Variants in KCNH8 observed in about 807,000 individuals in gnomAD.
KCNH8 encodes the protein potassium voltage-gated channel subfamily H member 8.
Under a neutral mutation model 103.6 loss-of-function variants are expected in KCNH8, and 70 were observed. The ratio of observed to expected loss-of-function variants is 0.68; its 90% CI spans 0.56 to 0.82. The LOEUF (loss-of-function observed/expected upper bound fraction) is 0.82, where lower values mean the gene tolerates loss of function less well. Ranked by LOEUF, KCNH8 falls within the 40% of genes least tolerant of loss-of-function variation. The pLI, the probability that KCNH8 is intolerant of heterozygous loss-of-function variation, is 0.00. For synonymous variants in KCNH8, 498 were observed against 489.4 expected, an observed-to-expected ratio of 1.02 and a Z score of -0.23; for missense variants, 1,217 against 1,329.9, an observed-to-expected ratio of 0.92 and a Z score of 1.32.
At position 19,533,455 on chromosome 3, in the gene KCNH8, C is replaced by CA; in HGVS notation, c.2680_2681insA (p.Leu894HisfsTer58). 6.2e-7 allele frequency: 1 copy of CA among 1,614,142 alleles called. No individual in the cohort carries two copies. The highest frequency in any genetic ancestry group is 8.5e-7 in the Non-Finnish European group (1 of 1,180,022). On this transcript the variant is annotated frameshift_variant, in exon 16 of 16. Coordinates refer to ENST00000328405, the MANE Select transcript of KCNH8 (RefSeq NM_144633.3). LOFTEE classifies it high-confidence loss of function. Reference sequence around the variant, plus strand: ...TAAAGACATGAGAAATGTGATCCAGCTTCTGGAAAACGTTCTGTCACCTCA... The same window carrying CA: ...TAAAGACATGAGAAATGTGATCCAGCATTCTGGAAAACGTTCTGTCACCTCA...
Position 19,281,217 on chromosome 3 carries a change from A to G in KCNH8, c.330A>G (p.Leu110=). The change falls in exon 3 of 16, where the codon CTA becomes CTG. Residue 110 remains leucine, a synonymous_variant. Coordinates refer to ENST00000328405, the MANE Select transcript of KCNH8 (RefSeq NM_144633.3). The stretch of plus-strand genomic sequence containing the variant: ...TTGCAGGGTCTCCATTTTGGTGCCT[A>G]CTGGATATTGTTCCCATAAAGAATG... ...YKKNGSPFWC[L]LDIVPIKNEK... The G allele has an allele frequency of 1.2e-6, 2 of 1,610,948 alleles. No homozygotes were observed. Among genetic ancestry groups the G allele is most frequent in the African/African-American group, 1.3e-5 (1 of 74,828 alleles).
intron 2 of KCNH8, among the ~76,000 whole-genome samples, chr3:19,258,025 AT>A (rs1206018068): frequency 6.6e-6 from 1 of 151,826 alleles, no homozygotes; most frequent in African/African-American, 2.4e-5. Flanking sequence ...CTGTGTCCAA[AT>A]TTTCCCTTTT....
At chr3:19,394,001 GA>G (rs2066476975) in intron 6 of KCNH8, among the ~76,000 whole-genome samples, 1 of 151,972 alleles carries the variant, frequency 6.6e-6, no homozygotes, top group Non-Finnish European at 1.5e-5. Context: ...AGAGATAAGA[GA>G]ATATGGCTAG....
chr3:19,426,580 T>C (rs991040417), intron 7 of KCNH8, among the ~76,000 whole-genome samples: 2 of 151,086 alleles, frequency 1.3e-5, no homozygotes, highest in Non-Finnish European at 2.9e-5. Flanking sequence ...AAATTTTGTT[T>C]TGCCATAGAT....
At chr3:19,288,068 T>C (rs932705967) in intron 3 of KCNH8, among the ~76,000 whole-genome samples, 3 of 152,024 alleles carry the variant, frequency 2.0e-5, no homozygotes, top group Non-Finnish European at 4.4e-5. Context: ...TTCTGTATAG[T>C]CAGATTTTCC....
intron 2 of KCNH8, among the ~76,000 whole-genome samples, chr3:19,280,280 T>A (rs988345730): frequency 2.0e-5 from 3 of 152,102 alleles, no homozygotes; most frequent in African/African-American, 7.2e-5. Flanking sequence ...TATTTCTTCT[T>A]CAAATATTTT....
chr3:19,518,863 A>C (rs2068921564), intron 15 of KCNH8, among the ~76,000 whole-genome samples: 1 of 152,036 alleles, frequency 6.6e-6, no homozygotes, highest in Admixed American at 6.6e-5. Context: ...TACTGTCTTA[A>C]TTGGGGTCTC....
chr3:19,228,262 C>T (rs527952222), intron 1 of KCNH8, among the ~76,000 whole-genome samples: 5 of 152,262 alleles, frequency 3.3e-5, no homozygotes, highest in Admixed American at 6.5e-5. Flanking sequence ...TGGCTGTTTT[C>T]GTACTATGAA....
At chr3:19,358,282 T>G (rs2065907166) in intron 5 of KCNH8, among the ~76,000 whole-genome samples, 2 of 151,192 alleles carry the variant, frequency 1.3e-5, no homozygotes, top group Non-Finnish European at 3.0e-5. Flanking sequence ...TCTTCTCTCT[T>G]TCTCCTCCCT....
intron 1 of KCNH8, among the ~76,000 whole-genome samples, chr3:19,162,418 A>G (rs988779044): frequency 6.6e-6 from 1 of 151,766 alleles, no homozygotes; most frequent in Non-Finnish European, 1.5e-5. Context: ...GACGCATGGG[A>G]ATCACTTGAT....
At chr3:19,344,783 AG>A (rs761836911) in intron 4 of KCNH8, among the ~76,000 whole-genome samples, 10 of 152,162 alleles carry the variant, frequency 6.6e-5, no homozygotes, top group Non-Finnish European at 1.3e-4. Context: ...AACATTTTAT[AG>A]CCCTTTGCTA....
At chr3:19,163,684 CG>C (rs2063255831) in intron 1 of KCNH8, among the ~76,000 whole-genome samples, 2 of 152,126 alleles carry the variant, frequency 1.3e-5, no homozygotes, top group African/African-American at 4.8e-5. Flanking sequence ...TTGAATTGCG[CG>C]AGTCCACTTA....
intron 1 of KCNH8, among the ~76,000 whole-genome samples, chr3:19,215,819 T>A (rs1268464355): frequency 1.1e-4 from 17 of 152,204 alleles, no homozygotes; most frequent in Non-Finnish European, 1.5e-5. Context: ...AGAAAGGTGA[T>A]TACACTCTCT....
At position 19,515,351 on chromosome 3, in the gene KCNH8, G is replaced by A. The variant is rs1359933728; in HGVS notation, c.2465G>A (p.Ser822Asn). ...RIVDGIEDGNSSEESQTFDFG... is the reference protein window; with the variant it reads ...RIVDGIEDGNNSEESQTFDFG... ...GTTGATGGAATTGAAGATGGAAACA[G>A]CAGTGAAGAAAGTCAGACTTTTGAT... Residue 822 changes from serine (S) to asparagine (N), a missense_variant, in exon 14 of 16, where the codon AGC becomes AAC. This residue lies in a region of KCNH8 where 558 missense variants were observed against 495.8 expected (regional missense o/e 1.13). Coordinates refer to ENST00000328405, the MANE Select transcript of KCNH8 (RefSeq NM_144633.3). 6.3e-7 allele frequency: 1 copy of A among 1,587,724 alleles called. No individual in the cohort carries two copies. The highest frequency in any genetic ancestry group is 1.4e-5 in the African/African-American group (1 of 73,668).
intron 1 of KCNH8, among the ~76,000 whole-genome samples, chr3:19,183,414 C>T (rs1174851389): frequency 6.6e-6 from 1 of 151,902 alleles, no homozygotes; most frequent in Admixed American, 6.6e-5. Flanking sequence ...AAGAAGGTAT[C>T]GTGCATGCAT....
chr3:19,395,358 AAAG>A lies in KCNH8; in HGVS notation c.1177+49_1177+51del, dbSNP rs762343984. On this transcript the variant is annotated intron_variant, in intron 7 of 15. Coordinates refer to ENST00000328405, the MANE Select transcript of KCNH8 (RefSeq NM_144633.3). The stretch of plus-strand genomic sequence containing the variant: ...ATTTTCCATTTTTTAATTTAAAAAA[AAAG>A]AGTATCAAGAACTTGGAGGAAGTGA... 4 of 1,347,556 alleles carry A rather than the reference AAAG, an allele frequency of 3.0e-6. 1 individual carries two copies. The highest frequency in any genetic ancestry group is 1.2e-5 in the South Asian group (1 of 82,338). 83.5% of individuals were successfully genotyped at this position (1,347,556 alleles called of 1,614,324 possible).
intron 3 of KCNH8, among the ~76,000 whole-genome samples, chr3:19,292,570 T>G (rs1211647117): frequency 6.6e-6 from 1 of 152,218 alleles, no homozygotes; most frequent in East Asian, 1.9e-4. Context: ...TAACACAAGA[T>G]TAAACAGTAA....
intron 11 of KCNH8, among the ~76,000 whole-genome samples, chr3:19,505,383 T>C (rs1247457754): frequency 6.6e-6 from 1 of 152,130 alleles, no homozygotes; most frequent in Non-Finnish European, 1.5e-5. Flanking sequence ...TGAAATAATC[T>C]GTACATCAAA....
intron 1 of KCNH8, among the ~76,000 whole-genome samples, chr3:19,200,245 TC>T (rs1403156574): frequency 6.6e-6 from 1 of 151,996 alleles, no homozygotes; most frequent in East Asian, 1.9e-4. Flanking sequence ...TAAAAGATGA[TC>T]TTGAGAAGTT....
Sources: allele counts gnomAD v4.1 joint callset (sites outside exome capture counted in the v4.1 genomes callset), GRCh38; gene constraint gnomAD v4.1.1; regional missense constraint gnomAD v4.1.1; transcripts MANE v1.5; gene names NCBI Gene and HGNC (gene_info 2026-07-23, HGNC 2026-07-21).